ATP9B: variants seen among roughly 807,000 people sequenced by gnomAD.
ATP9B encodes probable phospholipid-transporting ATPase IIB.
A neutral mutation model predicts 146.1 loss-of-function variants in ATP9B; 110 were observed. The observed-to-expected ratio is 0.75, with a 90% CI of 0.65 to 0.88. The LOEUF (loss-of-function observed/expected upper bound fraction) is 0.88. Ranked by LOEUF, ATP9B falls within the 40% of genes least tolerant of loss-of-function variation. ATP9B has a pLI of 0.00. For missense variants in ATP9B, 1,499 were observed against 1,496.4 expected (o/e 1.00, Z -0.03); for synonymous variants, 604 against 569.7 (o/e 1.06, Z -0.86).
At chr18:79,221,872 AT>A (rs11296944) in intron 11 of ATP9B, among the ~76,000 whole-genome samples, 42,678 of 105,674 alleles carry the variant, frequency 0.4, 6,142 homozygotes, top group Middle Eastern at 0.53. Flanking sequence ...TCTTTGGCCA[AT>A]TTTTTTTTTT....
At chr18:79,200,932 G>A (rs371764439) in intron 9 of ATP9B, among the ~76,000 whole-genome samples, 20 of 152,298 alleles carry the variant, frequency 1.3e-4, no homozygotes, top group East Asian at 1.2e-3. Context: ...GCTTTAGGAC[G>A]GTCGGTTGGC....
chr18:79,220,952 C>T lies in ATP9B; in HGVS notation c.1107+6914C>T, dbSNP rs1166174044. Among the ~76,000 whole-genome samples the T allele has an allele frequency of 5.3e-5, 8 of 152,144 alleles. No homozygotes were observed. In the South Asian group the frequency reaches 1.0e-3, roughly 20 times the overall value. On this transcript the variant is annotated intron_variant, in intron 11 of 29. Coordinates refer to ENST00000426216, the MANE Select transcript of ATP9B (RefSeq NM_198531.5). ...TGTGCTTTTGCCTCAGTATCTGCAGCGTCCTCTCCCGTTGCCCTCTACTGT... is the reference window on the plus strand; with the variant it reads ...TGTGCTTTTGCCTCAGTATCTGCAGTGTCCTCTCCCGTTGCCCTCTACTGT...
intron 14 of ATP9B, among the ~76,000 whole-genome samples, chr18:79,304,332 C>T (rs73001990): frequency 0.01 from 1,545 of 152,236 alleles, 23 homozygotes; most frequent in Middle Eastern, 0.014. Context: ...CCCTAAAGTT[C>T]TGAGAACAGG....
chr18:79,112,766 A>G (rs1450476029), intron 3 of ATP9B, among the ~76,000 whole-genome samples: 1 of 151,636 alleles, frequency 6.6e-6, no homozygotes. Context: ...GTGGCTATTT[A>G]TTTGTTTTTT....
chr18:79,231,803 T>TATATATAC (rs569726473), intron 11 of ATP9B, among the ~76,000 whole-genome samples: 191 of 114,726 alleles, frequency 1.7e-3, no homozygotes, highest in East Asian at 6.8e-3. Flanking sequence ...TATATATATA[T>TATATATAC]ACACACACAC....
At chr18:79,099,581 A>G (rs761028627) in intron 2 of ATP9B, among the ~76,000 whole-genome samples, 5 of 152,022 alleles carry the variant, frequency 3.3e-5, no homozygotes, top group Non-Finnish European at 5.9e-5. Context: ...ATTTATAACT[A>G]TGTTGCTTGA....
intron 9 of ATP9B, among the ~76,000 whole-genome samples, chr18:79,200,194 C>G (rs773333959): frequency 4.6e-5 from 7 of 152,162 alleles, no homozygotes; most frequent in Non-Finnish European, 7.3e-5. Flanking sequence ...ATGGCTGCAG[C>G]ATGACCATGT....
intron 1 of ATP9B, among the ~76,000 whole-genome samples, chr18:79,073,621 G>A (rs1463892238): frequency 3.9e-5 from 6 of 152,078 alleles, no homozygotes; most frequent in South Asian, 4.2e-4. Flanking sequence ...TGGAAAGCGG[G>A]AGACGGAGAC....
intron 26 of ATP9B, 125 bp downstream of exon 26, chr18:79,359,587 T>C (rs1333197675): frequency 2.7e-6 from 2 of 736,798 alleles, no homozygotes; most frequent in Non-Finnish European, 4.7e-6. Flanking sequence ...TCTCTGTCCT[T>C]GAAGATGTTT....
At chr18:79,113,762 C>T (rs902133395) in intron 4 of ATP9B, among the ~76,000 whole-genome samples, 13 of 152,084 alleles carry the variant, frequency 8.5e-5, no homozygotes, top group Non-Finnish European at 1.3e-4. Flanking sequence ...AAGTGCAGTA[C>T]GTATGATTTC....
intron 10 of ATP9B, among the ~76,000 whole-genome samples, chr18:79,208,388 C>T (rs1189824171): frequency 1.3e-5 from 2 of 152,308 alleles, no homozygotes; most frequent in East Asian, 3.9e-4. Context: ...TTCCTGCTAG[C>T]AGCCTAGTAC....
At chr18:79,365,844 G>A (rs1480099073) in intron 26 of ATP9B, among the ~76,000 whole-genome samples, 2 of 147,210 alleles carry the variant, frequency 1.4e-5, no homozygotes, top group Admixed American at 1.4e-4. Context: ...CTCCGTGGAC[G>A]GGGACAGCTT....
chr18:79,322,185 G>A (rs538922873), intron 15 of ATP9B, among the ~76,000 whole-genome samples: 115 of 152,248 alleles, frequency 7.6e-4, no homozygotes, highest in Non-Finnish European at 1.5e-3. Flanking sequence ...TTAGACTCTC[G>A]GTGTACTTAG....
At chr18:79,197,479 C>A (rs182021149) in intron 9 of ATP9B, among the ~76,000 whole-genome samples, 1 of 151,626 alleles carries the variant, frequency 6.6e-6, no homozygotes, top group African/African-American at 2.4e-5. Context: ...AAAATAGAAC[C>A]TTAAAGCCAT....
chr18:79,071,890 T>G lies in ATP9B; in HGVS notation c.119+2361T>G, dbSNP rs1599288945. On this transcript the variant is annotated intron_variant, in intron 1 of 29. Transcript: ENST00000426216. ...TCTTTGGATTTCATGTTTGGTTTTG[T>G]TTTTTTTTTTTTTTTTGGTTTTCGA... Among the ~76,000 whole-genome samples the G allele has an allele frequency of 1.4e-3, 7 of 5,014 alleles. No individual in the cohort carries two copies. The South Asian group carries it at 0.095, about 68-fold the overall frequency. 3.3% of individuals were successfully genotyped at this position (5,014 alleles called of 152,430 possible).
At chr18:79,118,486 C>T (rs1193099462) in intron 4 of ATP9B, among the ~76,000 whole-genome samples, 10 of 147,344 alleles carry the variant, frequency 6.8e-5, no homozygotes, top group Admixed American at 1.4e-4. Context: ...CTGCAAGCTC[C>T]GCCTCCCGGG....
chr18:79,348,254 A>C, intron 25 of ATP9B, 58 bp downstream of exon 25: 2 of 1,099,754 alleles, frequency 1.8e-6, no homozygotes, highest in Non-Finnish European at 2.7e-6. Context: ...TTTTGAAAAA[A>C]AAAAAAAAAA....
intron 11 of ATP9B, among the ~76,000 whole-genome samples, chr18:79,237,167 C>A (rs1348324051): frequency 8.9e-5 from 7 of 78,768 alleles, no homozygotes; most frequent in Admixed American, 8.4e-4. Flanking sequence ...CCCCTTCCCC[C>A]TTCCCCACTG....
intron 10 of ATP9B, among the ~76,000 whole-genome samples, chr18:79,210,062 G>A (rs940014302): frequency 7.2e-5 from 11 of 152,150 alleles, no homozygotes; most frequent in Non-Finnish European, 2.9e-5. Context: ...TGGGAACCGG[G>A]ACTCAGGTTA....
Sources: gnomAD v4.1 joint callset for allele counts (sites outside exome capture counted in the v4.1 genomes callset) on GRCh38, gnomAD v4.1.1 for gene constraint, MANE v1.5 for transcripts, NCBI Gene and HGNC (gene_info 2026-07-23, HGNC 2026-07-21) for gene names.